DMXL1: variants seen among roughly 807,000 people sequenced by gnomAD.
DMXL1 encodes the protein dmX-like protein 1.
A neutral mutation model predicts 319.2 loss-of-function variants in DMXL1; 99 were observed. The observed-to-expected ratio is 0.31, with a 90% CI of 0.26 to 0.37. DMXL1 has a LOEUF of 0.37. DMXL1 is among the 10% of genes least tolerant of loss of function. The probability of loss-of-function intolerance (pLI) is 1.00; values close to 1 mark genes in which losing one functional copy is unlikely to be tolerated. For synonymous variants in DMXL1, 1,385 were observed against 1,235.2 expected (o/e 1.12, Z -2.54); for missense variants, 3,745 against 3,595.6 (o/e 1.04, Z -1.06).
At chr5:119,082,407 T>C (rs1752445803) in intron 1 of DMXL1, among the ~76,000 whole-genome samples, 1 of 152,136 alleles carries the variant, frequency 6.6e-6, no homozygotes, top group African/African-American at 2.4e-5. Context: ...CCCAAGTAGC[T>C]GGGACGACAG....
chr5:119,090,710 CTGCT>C (rs1754601024), intron 1 of DMXL1, among the ~76,000 whole-genome samples: 2 of 151,796 alleles, frequency 1.3e-5, no homozygotes, highest in Non-Finnish European at 2.9e-5. Flanking sequence ...TTACCGGCGC[CTGCT>C]ACCATGCCTG....
rs1041944349 is a variant in DMXL1, at chr5:119,119,867, T to G, written c.933+863T>G. ...TTTTATTTTTTGTGGATTTTTTTTT[T>G]GGGTGGGGGAGTTGTTTTGTTGTTG... On this transcript the variant is annotated intron_variant, in intron 8 of 43. Transcript: ENST00000539542. 7.2e-5 allele frequency among the ~76,000 whole-genome samples: 11 copies of G among 152,010 alleles called. No individual in the cohort carries two copies. In the East Asian group the frequency reaches 9.7e-4, roughly 13 times the overall value.
intron 13 of DMXL1, among the ~76,000 whole-genome samples, chr5:119,137,275 G>C (rs1302131345): frequency 6.6e-6 from 1 of 152,242 alleles, no homozygotes; most frequent in Non-Finnish European, 1.5e-5. Context: ...ATTTGGAACA[G>C]AACATTTACC....
intron 28 of DMXL1, among the ~76,000 whole-genome samples, chr5:119,182,939 A>G (rs1777036424): frequency 6.6e-6 from 1 of 152,150 alleles, no homozygotes; most frequent in Non-Finnish European, 1.5e-5. Flanking sequence ...ATTCTGTATT[A>G]TAAATAAAGC....
intron 28 of DMXL1, among the ~76,000 whole-genome samples, chr5:119,187,704 C>T (rs1777987473): frequency 6.6e-6 from 1 of 152,030 alleles, no homozygotes; most frequent in Non-Finnish European, 1.5e-5. Context: ...GCTCTGTTGC[C>T]CAGGCTGGAG....
intron 1 of DMXL1, among the ~76,000 whole-genome samples, chr5:119,087,102 T>G (rs144601461): frequency 7.2e-4 from 110 of 152,178 alleles, no homozygotes; most frequent in African/African-American, 2.5e-3. Flanking sequence ...GCCACAGTTT[T>G]GTTGATTGTA....
Position 119,173,776 on chromosome 5 carries a change from G to GTGTATGTGTATATATATATATATATATA in DMXL1, c.6682-1484_6682-1483insGTATGTGTATATATATATATATATATAT. Among the ~76,000 whole-genome samples, 2 of 67,170 alleles carry GTGTATGTGTATATATATATATATATATA rather than the reference G, an allele frequency of 3.0e-5. 1 individual carries two copies. The highest frequency in any genetic ancestry group is 1.1e-4 in the African/African-American group (2 of 17,978). The allele number at this position is 67,170 out of a possible 152,430, so 44.1% of individuals were successfully genotyped here. On this transcript the variant is annotated intron_variant, in intron 25 of 43. Transcript: ENST00000539542. ...TGTGTATATATATATATGTGTGTGT[G>GTGTATGTGTATATATATATATATATATA]TATATATATATATATATATATAATG...
At chr5:119,240,267 A>T (rs1219926079) in intron 41 of DMXL1, 152 bp from the exon 42 acceptor site, 1 of 514,526 alleles carries the variant, frequency 1.9e-6, no homozygotes, top group East Asian at 3.0e-5. Flanking sequence ...AATTAGTTTC[A>T]TATAAATTTG....
intron 28 of DMXL1, chr5:119,178,644 A>G: frequency 1.0e-6 from 1 of 985,360 alleles, no homozygotes; most frequent in Non-Finnish European, 1.2e-6. Flanking sequence ...GGCTTTTCCA[A>G]AGCTCTTTCA....
chr5:119,177,477 A>G lies in DMXL1; in HGVS notation c.6879A>G (p.Gln2293=), dbSNP rs759444085. Residue 2293 remains glutamine, a synonymous_variant, in exon 27 of 44, where the codon CAA becomes CAG. Transcript: ENST00000539542. ...EALTPNTSPA[Q]WPGITCLIRL... ...TAACTCCCAATACGTCACCAGCTCAATGGCCAGGTATAATTTTTATGTATA... is the reference window on the plus strand; with the variant it reads ...TAACTCCCAATACGTCACCAGCTCAGTGGCCAGGTATAATTTTTATGTATA... 5.6e-6 allele frequency: 9 copies of G among 1,596,216 alleles called. No individual in the cohort carries two copies. The highest frequency in any genetic ancestry group is 7.7e-6 in the Non-Finnish European group (9 of 1,172,982).
intron 28 of DMXL1, among the ~76,000 whole-genome samples, chr5:119,184,291 T>G (rs943440627): frequency 7.2e-5 from 11 of 152,108 alleles, no homozygotes; most frequent in African/African-American, 2.4e-4. Context: ...CTTGGACTCC[T>G]GGACTCAAGT....
intron 34 of DMXL1, among the ~76,000 whole-genome samples, chr5:119,215,252 A>T (rs142838357): frequency 0.014 from 2,178 of 152,162 alleles, 66 homozygotes; most frequent in African/African-American, 0.05. Context: ...TGGTTTGGTT[A>T]TCTTGTAGGT....
At chr5:119,237,844 T>C (rs1788040654) in intron 40 of DMXL1, among the ~76,000 whole-genome samples, 1 of 152,118 alleles carries the variant, frequency 6.6e-6, no homozygotes, top group Admixed American at 6.5e-5. Flanking sequence ...TCATCTCTTT[T>C]AATTTAGGAT....
rs1419407745 is a variant in DMXL1 at position 119,171,845 on chromosome 5, G to C, written c.6557G>C (p.Cys2186Ser). The C allele has an allele frequency of 1.9e-6, 3 of 1,613,728 alleles. No individual in the cohort carries two copies. The highest frequency in any genetic ancestry group is 2.5e-6 in the Non-Finnish European group (3 of 1,179,828). Residue 2186 changes from cysteine to serine, a missense_variant, in exon 25 of 44, where the codon TGT (cysteine) becomes TCT (serine). Physicochemically the swap from Cys to Ser is moderately radical, Grantham distance 112. Transcript: ENST00000539542. ...EQTSVPLLFACTANAKTVVAN... is the reference protein window; with the variant it reads ...EQTSVPLLFASTANAKTVVAN... The stretch of plus-strand genomic sequence containing the variant: ...ACCTCAGTGCCTCTCCTCTTTGCTT[G>C]TACAGCCAATGCCAAAACAGTAGTT...
intron 43 of DMXL1, among the ~76,000 whole-genome samples, chr5:119,245,454 C>T (rs991598826): frequency 3.0e-4 from 45 of 151,950 alleles, no homozygotes; most frequent in African/African-American, 8.2e-4. Context: ...TATATATATA[C>T]CAACAGAATT....
At chr5:119,156,366 A>G (rs926117186) in intron 19 of DMXL1, among the ~76,000 whole-genome samples, 37 of 152,354 alleles carry the variant, frequency 2.4e-4, no homozygotes, top group African/African-American at 8.7e-4. Context: ...TAGCTTGTAT[A>G]TGCACTGGGA....
chr5:119,101,427 C>G (rs1184428521), intron 2 of DMXL1, among the ~76,000 whole-genome samples: 1 of 151,918 alleles, frequency 6.6e-6, no homozygotes, highest in Non-Finnish European at 1.5e-5. Flanking sequence ...AAAACAGAGC[C>G]AGGAAAGGTT....
In DMXL1 at chr5:119,136,498, G is replaced by A. The variant is rs1383305424; in HGVS notation, c.2376+2109G>A. Among the ~76,000 whole-genome samples the A allele has an allele frequency of 5.3e-5, 8 of 152,246 alleles. No homozygotes were observed. In the South Asian group the frequency reaches 1.7e-3, roughly 32 times the overall value. On this transcript the variant is annotated intron_variant, in intron 13 of 43. Coordinates refer to ENST00000539542, the MANE Select transcript of DMXL1 (RefSeq NM_001290321.3). ...CAGGAGCTGAATGTTAATAGCCAAG[G>A]CAATGGGGAAAATGTCTCTGGGACA...
intron 18 of DMXL1, 133 bp from the exon 19 acceptor site, chr5:119,151,796 A>T: frequency 2.0e-6 from 1 of 489,104 alleles, no homozygotes; most frequent in Non-Finnish European, 3.6e-6. Context: ...GTAGAAAAAG[A>T]TAAATGTTAG....
Sources: gnomAD v4.1 joint callset for allele counts (sites outside exome capture counted in the v4.1 genomes callset) on GRCh38, gnomAD v4.1.1 for gene constraint, MANE v1.5 for transcripts, NCBI Gene and HGNC (gene_info 2026-07-23, HGNC 2026-07-21) for gene names.